The following TBC1D22A variants were observed in gnomAD, a reference collection of about 807,000 sequenced individuals.
The protein encoded by TBC1D22A is putative GTPase activator.
Under a neutral mutation model 60.2 loss-of-function variants are expected in TBC1D22A, and 38 were observed. The observed-to-expected ratio is 0.63, with a 90% CI of 0.49 to 0.83. The LOEUF (loss-of-function observed/expected upper bound fraction) is 0.83. TBC1D22A is among the 40% of genes least tolerant of loss of function. TBC1D22A has a pLI of 0.00. For missense variants in TBC1D22A, 628 were observed against 701.0 expected, an observed-to-expected ratio of 0.90 and a Z score of 1.18; for synonymous variants, 302 against 281.7, an observed-to-expected ratio of 1.07 and a Z score of -0.72.
chr22:47,098,446 G>T (rs2065270171), intron 11 of TBC1D22A, among the ~76,000 whole-genome samples: 1 of 152,202 alleles, frequency 6.6e-6, no homozygotes, highest in African/African-American at 2.4e-5. Flanking sequence ...CCTGTGCATT[G>T]TGGGGCCGCA....
chr22:46,845,965 C>T (rs1355146136), intron 4 of TBC1D22A, among the ~76,000 whole-genome samples: 1 of 152,232 alleles, frequency 6.6e-6, no homozygotes, highest in African/African-American at 2.4e-5. Context: ...GAGCTGGCAA[C>T]AGCCAGGGCT....
At chr22:46,843,717 C>T (rs1376467176) in intron 4 of TBC1D22A, among the ~76,000 whole-genome samples, 3 of 151,960 alleles carry the variant, frequency 2.0e-5, no homozygotes, top group African/African-American at 7.3e-5. Context: ...GGCAGGTGAG[C>T]GGTGAACTGG....
chr22:47,073,020 G>A (rs1288884427), intron 11 of TBC1D22A, among the ~76,000 whole-genome samples: 1 of 152,244 alleles, frequency 6.6e-6, no homozygotes, highest in Admixed American at 6.5e-5. Flanking sequence ...ATTTATTAAA[G>A]GCTTTCTTTT....
At chr22:46,959,953 G>C (rs1157372454) in intron 8 of TBC1D22A, among the ~76,000 whole-genome samples, 1 of 152,074 alleles carries the variant, frequency 6.6e-6, no homozygotes, top group Admixed American at 6.5e-5. Context: ...CTTTAGCTTT[G>C]TCCACAGGCT....
rs544597705 is a variant in TBC1D22A at position 46,969,491 on chromosome 22, T to A, written c.1016-4799T>A. 4.6e-5 allele frequency among the ~76,000 whole-genome samples: 7 copies of A among 151,574 alleles called. No homozygotes were observed. In the East Asian group the frequency reaches 9.6e-4, roughly 21 times the overall value. ...CTTAATACTATAGCAGGGCAGCATT[T>A]TCAAAGAAGGTTAGTTAAATCATCC... On this transcript the variant is annotated intron_variant, in intron 8 of 12. Coordinates refer to ENST00000337137, the MANE Select transcript of TBC1D22A (RefSeq NM_014346.5).
intron 1 of TBC1D22A, among the ~76,000 whole-genome samples, chr22:46,768,891 C>A (rs568746197): frequency 6.6e-6 from 1 of 151,552 alleles, no homozygotes; most frequent in Non-Finnish European, 1.5e-5. Context: ...GTCAGCAGTT[C>A]GAGACCAGCC....
chr22:46,817,445 G>A (rs536825582), intron 4 of TBC1D22A, among the ~76,000 whole-genome samples: 35 of 152,126 alleles, frequency 2.3e-4, no homozygotes, highest in Non-Finnish European at 4.7e-4. Context: ...GTGTTGTTCC[G>A]CTCTCTGTGT....
At chr22:46,901,775 G>A (rs1054596156) in intron 7 of TBC1D22A, among the ~76,000 whole-genome samples, 2 of 152,128 alleles carry the variant, frequency 1.3e-5, no homozygotes, top group African/African-American at 4.8e-5. Flanking sequence ...TCTTTCTGAC[G>A]CTACGATGCT....
intron 12 of TBC1D22A, among the ~76,000 whole-genome samples, chr22:47,173,110 C>G (rs1019920097): frequency 6.6e-6 from 1 of 152,260 alleles, no homozygotes; most frequent in Non-Finnish European, 1.5e-5. Context: ...GGGTCTCCCC[C>G]TGAGGGGCAG....
In TBC1D22A at chr22:47,063,405, G is replaced by A. The variant is rs377626699; in HGVS notation, c.1329+26207G>A. Among the ~76,000 whole-genome samples, 4 of 152,292 alleles carry A rather than the reference G, an allele frequency of 2.6e-5. No homozygotes were observed. The East Asian group carries it at 7.7e-4, about 29-fold the overall frequency. On this transcript the variant is annotated intron_variant, in intron 11 of 12. Coordinates refer to ENST00000337137, the MANE Select transcript of TBC1D22A (RefSeq NM_014346.5). ...AGGCCCGGCCTCGTCCTGGAGCCCC[G>A]TGGGTGGAAGGGAGGCCTCGTCTGG...
chr22:46,963,350 A>C (rs2073627105), intron 8 of TBC1D22A, among the ~76,000 whole-genome samples: 1 of 151,914 alleles, frequency 6.6e-6, no homozygotes, highest in Non-Finnish European at 1.5e-5. Flanking sequence ...AGTGCTCATC[A>C]CACTGCCTGC....
chr22:46,838,078 A>G (rs2086596222), intron 4 of TBC1D22A, among the ~76,000 whole-genome samples: 1 of 152,208 alleles, frequency 6.6e-6, no homozygotes, highest in Admixed American at 6.5e-5. Flanking sequence ...AAAGTTGCAA[A>G]TAAACAGCCC....
intron 9 of TBC1D22A, among the ~76,000 whole-genome samples, chr22:46,984,322 GAGCCACTGCCCTCC>G (rs1240962312): frequency 7.9e-6 from 1 of 126,306 alleles, no homozygotes; most frequent in Non-Finnish European, 1.6e-5. Flanking sequence ...AGCCGAGATC[GAGCCACTGCCCTCC>G]AGCCGGGGCG....
At chr22:47,008,450 C>T (rs9615437) in intron 10 of TBC1D22A, among the ~76,000 whole-genome samples, 4,503 of 152,322 alleles carry the variant, frequency 0.03, 106 homozygotes, top group South Asian at 0.087. Context: ...CCTGGAGACC[C>T]TGCCTGGGAC....
At chr22:47,091,923 T>A (rs551233927) in intron 11 of TBC1D22A, among the ~76,000 whole-genome samples, 2 of 152,346 alleles carry the variant, frequency 1.3e-5, no homozygotes, top group South Asian at 4.1e-4. Flanking sequence ...GATATGGTGA[T>A]ATGCACTCAG....
At position 46,941,677 on chromosome 22, in the gene TBC1D22A, A is replaced by ACGGAATATATATACGCGGAATATATATG. The variant is rs1569249038; in HGVS notation, c.1015+29508_1015+29509insATATATATGCGGAATATATATACGCGGA. Among the ~76,000 whole-genome samples the ACGGAATATATATACGCGGAATATATATG allele has an allele frequency of 1.2e-4, 17 of 146,678 alleles. 1 individual carries two copies. The highest frequency in any genetic ancestry group is 2.7e-4 in the African/African-American group (11 of 40,120). The stretch of plus-strand genomic sequence containing the variant: ...GAATATATATACGCGGAATATATAT[A>ACGGAATATATATACGCGGAATATATATG]CGGAATATATATACGCGGATTATAT... On this transcript the variant is annotated intron_variant, in intron 8 of 12. Coordinates refer to ENST00000337137, the MANE Select transcript of TBC1D22A (RefSeq NM_014346.5).
chr22:46,910,321 C>T (rs1041232899), intron 7 of TBC1D22A, among the ~76,000 whole-genome samples: 2 of 152,052 alleles, frequency 1.3e-5, no homozygotes, highest in South Asian at 2.1e-4. Context: ...CTTCACCTGT[C>T]GGTCCCAGGT....
chr22:47,029,284 GCT>G (rs1165638394), intron 10 of TBC1D22A, among the ~76,000 whole-genome samples: 6 of 151,150 alleles, frequency 4.0e-5, no homozygotes, highest in African/African-American at 1.5e-4. Context: ...GGGACACAGC[GCT>G]TCCATACCCC....
At chr22:46,938,866 G>A (rs186406685) in intron 8 of TBC1D22A, among the ~76,000 whole-genome samples, 18 of 152,010 alleles carry the variant, frequency 1.2e-4, no homozygotes, top group African/African-American at 2.2e-4. Context: ...GATTACAGGC[G>A]TGAGCCACCA....
Sources: allele counts gnomAD v4.1 joint callset (sites outside exome capture counted in the v4.1 genomes callset), GRCh38; gene constraint gnomAD v4.1.1; transcripts MANE v1.5; gene names NCBI Gene and HGNC (gene_info 2026-07-23, HGNC 2026-07-21).